Variants in SEMA3E observed in about 807,000 individuals in gnomAD.
The protein encoded by SEMA3E is semaphorin-3E.
Under a neutral mutation model 93.6 loss-of-function variants are expected in SEMA3E, and 49 were observed. The ratio of observed to expected loss-of-function variants is 0.52; its 90% confidence interval spans 0.42 to 0.66. The LOEUF is 0.66. Among genes scored for constraint, SEMA3E ranks in the 30% least tolerant of loss-of-function variants. The pLI is 0.00. For missense variants in SEMA3E, 906 were observed against 964.8 expected (o/e 0.94, Z 0.81); for synonymous variants, 363 against 330.7 (o/e 1.10, Z -1.06).
At chr7:83,414,773 C>A (rs1481639711) in intron 5 of SEMA3E, among the ~76,000 whole-genome samples, 2 of 151,982 alleles carry the variant, frequency 1.3e-5, no homozygotes, top group Non-Finnish European at 2.9e-5. Context: ...AGGTACATGA[C>A]AAATCAGGGT....
intron 1 of SEMA3E, among the ~76,000 whole-genome samples, chr7:83,624,810 C>T (rs12278198): frequency 7.9e-4 from 120 of 152,172 alleles, no homozygotes; most frequent in Middle Eastern, 3.4e-3. Flanking sequence ...ATGCCTGTGT[C>T]CTGAATGGTA....
At chr7:83,376,760 T>A (rs1414906521) in intron 16 of SEMA3E, among the ~76,000 whole-genome samples, 1 of 152,068 alleles carries the variant, frequency 6.6e-6, no homozygotes, top group African/African-American at 2.4e-5. Flanking sequence ...CATGCATATT[T>A]GTGCATTATG....
chr7:83,395,272 G>T (rs373669736), intron 12 of SEMA3E, among the ~76,000 whole-genome samples: 5 of 152,058 alleles, frequency 3.3e-5, no homozygotes, highest in Non-Finnish European at 2.9e-5. Flanking sequence ...TAGCTGCTCC[G>T]GTTGATATAG....
At chr7:83,539,826 G>C (rs570602280) in intron 1 of SEMA3E, among the ~76,000 whole-genome samples, 1 of 123,546 alleles carries the variant, frequency 8.1e-6, no homozygotes, top group Admixed American at 8.4e-5. Flanking sequence ...TGTGTTTTAA[G>C]TTAACTTTTT....
chr7:83,459,568 T>C (rs1405544073), intron 4 of SEMA3E, among the ~76,000 whole-genome samples: 1 of 152,220 alleles, frequency 6.6e-6, no homozygotes, highest in Non-Finnish European at 1.5e-5. Context: ...TTATATCCTC[T>C]GCATTGTTTC....
intron 1 of SEMA3E, among the ~76,000 whole-genome samples, chr7:83,496,639 G>A (rs1397537276): frequency 6.6e-6 from 1 of 151,838 alleles, no homozygotes; most frequent in Non-Finnish European, 1.5e-5. Context: ...TGCATATACT[G>A]AAGGCAATAT....
intron 1 of SEMA3E, among the ~76,000 whole-genome samples, chr7:83,584,455 C>G (rs1792578477): frequency 6.6e-6 from 1 of 152,088 alleles, no homozygotes; most frequent in South Asian, 2.1e-4. Flanking sequence ...GACTCGAACA[C>G]TAATTTCTAA....
At chr7:83,532,788 A>ATTTT (rs758186118) in intron 1 of SEMA3E, among the ~76,000 whole-genome samples, 8 of 137,368 alleles carry the variant, frequency 5.8e-5, no homozygotes, top group Middle Eastern at 3.8e-3. Flanking sequence ...TTTTTTTTTA[A>ATTTT]AAAAAGAAAG....
intron 2 of SEMA3E, among the ~76,000 whole-genome samples, chr7:83,472,497 GT>G (rs1432067752): frequency 6.6e-6 from 1 of 152,084 alleles, no homozygotes; most frequent in African/African-American, 2.4e-5. Flanking sequence ...ACTTAATATT[GT>G]TTATCCCCAC....
intron 1 of SEMA3E, among the ~76,000 whole-genome samples, chr7:83,617,173 ATTTC>A (rs1187139651): frequency 1.3e-5 from 2 of 151,792 alleles, no homozygotes; most frequent in Non-Finnish European, 2.9e-5. Context: ...TAGCCCACAA[ATTTC>A]TTTCTATTAT....
At chr7:83,373,546 T>C (rs1340288660) in intron 16 of SEMA3E, among the ~76,000 whole-genome samples, 4 of 152,132 alleles carry the variant, frequency 2.6e-5, no homozygotes, top group African/African-American at 7.2e-5. Context: ...GTAGACAGGA[T>C]GAATTGTTTA....
At chr7:83,610,298 G>A (rs1485066203) in intron 1 of SEMA3E, among the ~76,000 whole-genome samples, 17 of 152,012 alleles carry the variant, frequency 1.1e-4, no homozygotes, top group Non-Finnish European at 1.5e-5. Context: ...TACTTTGAAT[G>A]TGTGTGCATA....
intron 1 of SEMA3E, among the ~76,000 whole-genome samples, chr7:83,644,260 G>C (rs1794051733): frequency 6.6e-6 from 1 of 151,704 alleles, no homozygotes; most frequent in Admixed American, 6.6e-5. Flanking sequence ...ATCATCTTCT[G>C]AGTTATTATA....
chr7:83,587,889 G>A (rs1320034306), intron 1 of SEMA3E, among the ~76,000 whole-genome samples: 1 of 151,842 alleles, frequency 6.6e-6, no homozygotes, highest in Non-Finnish European at 1.5e-5. Context: ...ATATTTAAAT[G>A]CTATTCTTAA....
At chr7:83,611,562 C>A (rs545673752) in intron 1 of SEMA3E, among the ~76,000 whole-genome samples, 1 of 151,380 alleles carries the variant, frequency 6.6e-6, no homozygotes, top group South Asian at 2.1e-4. Flanking sequence ...GAAATGACAG[C>A]TTCAATCTTC....
chr7:83,485,431 G>A (rs1195360330), intron 2 of SEMA3E, among the ~76,000 whole-genome samples: 7 of 152,036 alleles, frequency 4.6e-5, no homozygotes, highest in Non-Finnish European at 8.8e-5. Context: ...GCATAGCCAG[G>A]ATTTAAACAC....
intron 1 of SEMA3E, among the ~76,000 whole-genome samples, chr7:83,564,262 C>T (rs113416993): frequency 0.018 from 2,786 of 152,000 alleles, 87 homozygotes; most frequent in African/African-American, 0.064. Context: ...CTATTAAAAA[C>T]ACAAAAATTA....
At position 83,596,890 on chromosome 7, in the gene SEMA3E, C is replaced by T. The variant is rs79596007; in HGVS notation, c.115+51538G>A. Among the ~76,000 whole-genome samples the T allele has an allele frequency of 2.4e-3, 362 of 152,204 alleles. 2 individuals are homozygous for T. The highest frequency in any genetic ancestry group is 8.5e-3 in the African/African-American group (352 of 41,550). ...GGGTCAAATAATCTAACCGAAATAA[C>T]TTCCTAAGGGCAAGGTTTTAGGAAA... is the stretch of plus-strand genomic sequence containing the variant. On this transcript the variant is annotated intron_variant, in intron 1 of 16. Coordinates refer to ENST00000643230, the MANE Select transcript of SEMA3E (RefSeq NM_012431.3).
intron 1 of SEMA3E, among the ~76,000 whole-genome samples, chr7:83,585,328 T>C (rs1792603650): frequency 6.6e-6 from 1 of 152,212 alleles, no homozygotes; most frequent in East Asian, 1.9e-4. Context: ...TGTTTCTTTG[T>C]TGCCTGTCTC....
Sources: allele counts gnomAD v4.1 joint callset (sites outside exome capture counted in the v4.1 genomes callset), GRCh38; gene constraint gnomAD v4.1.1; transcripts MANE v1.5; gene names NCBI Gene and HGNC (gene_info 2026-07-23, HGNC 2026-07-21).